The following ZBTB20 variants were observed in gnomAD, a reference collection of about 807,000 sequenced individuals.
ZBTB20 encodes the protein zinc finger and BTB domain-containing protein 20.
A neutral mutation model predicts 56.9 loss-of-function variants in ZBTB20; 9 were observed. The observed-to-expected ratio is 0.16, with a 90% CI of 0.10 to 0.28. ZBTB20 has a LOEUF of 0.28. ZBTB20 is among the 10% of genes least tolerant of loss of function. The probability of loss-of-function intolerance (pLI) is 1.00; values close to 1 mark genes in which losing one functional copy is unlikely to be tolerated. For missense variants in ZBTB20, 655 were observed against 1,003.0 expected (o/e 0.65, Z 4.69); for synonymous variants, 417 against 420.7 (o/e 0.99, Z 0.11).
intron 2 of ZBTB20, among the ~76,000 whole-genome samples, chr3:115,035,544 A>AACACACACACACACACAC (rs111286494): frequency 3.9e-4 from 57 of 147,956 alleles, no homozygotes; most frequent in African/African-American, 9.4e-4. Context: ...GCTACTATCA[A>AACACACACACACACACAC]ACACACACAC....
At chr3:114,571,758 C>T (rs982720501) in intron 6 of ZBTB20, among the ~76,000 whole-genome samples, 4 of 152,178 alleles carry the variant, frequency 2.6e-5, no homozygotes, top group Non-Finnish European at 5.9e-5. Flanking sequence ...ATTTCAGGGT[C>T]TCACTCCAGA....
In ZBTB20 at chr3:114,868,996, C is replaced by T. The variant is rs181165982; in HGVS notation, c.-417+31308G>A. Among the ~76,000 whole-genome samples, 19 of 152,094 alleles carry T rather than the reference C, an allele frequency of 1.2e-4. No homozygotes were observed. The East Asian group carries it at 3.3e-3, about 26-fold the overall frequency. Reference sequence around the variant, plus strand: ...TCAAATATCTTTGCTCCATAAAGACCTTATGAATCTTCCTTCAATGTGAAG... The same window carrying T: ...TCAAATATCTTTGCTCCATAAAGACTTTATGAATCTTCCTTCAATGTGAAG... On this transcript the variant is annotated intron_variant, in intron 4 of 11. Coordinates refer to ENST00000675478, the MANE Select transcript of ZBTB20 (RefSeq NM_001348800.3).
intron 4 of ZBTB20, among the ~76,000 whole-genome samples, chr3:114,888,249 T>C (rs2076677060): frequency 6.6e-6 from 1 of 151,582 alleles, no homozygotes; most frequent in African/African-American, 2.4e-5. Flanking sequence ...GAGACCCCCA[T>C]TTCTACAAAA....
intron 6 of ZBTB20, among the ~76,000 whole-genome samples, chr3:114,571,824 A>G (rs1359707121): frequency 6.6e-6 from 1 of 152,184 alleles, no homozygotes; most frequent in African/African-American, 2.4e-5. Flanking sequence ...CATTTTAAAC[A>G]GGCTCCCCAA....
rs1419575313 is a variant in ZBTB20, at chr3:114,913,706, T to C, written c.-455-13364A>G. Among the ~76,000 whole-genome samples, 9 of 151,942 alleles carry C rather than the reference T, an allele frequency of 5.9e-5. No homozygotes were observed. The South Asian group carries it at 1.0e-3, about 18-fold the overall frequency. On this transcript the variant is annotated intron_variant, in intron 3 of 11. Transcript: ENST00000675478. The stretch of plus-strand genomic sequence containing the variant: ...AGTGTTTTTTTTTTCAGTAGTGTCA[T>C]AGTTTGAGGTATTAGACTTAAGTCT...
chr3:114,435,976 AT>A (rs2090485816), intron 7 of ZBTB20, among the ~76,000 whole-genome samples: 1 of 152,078 alleles, frequency 6.6e-6, no homozygotes, highest in Non-Finnish European at 1.5e-5. Context: ...CTACAATTTG[AT>A]TTGGTTAAAA....
At chr3:114,967,841 C>T (rs1381862834) in intron 3 of ZBTB20, among the ~76,000 whole-genome samples, 4 of 151,796 alleles carry the variant, frequency 2.6e-5, no homozygotes, top group African/African-American at 7.3e-5. Context: ...CCTATAATCC[C>T]AGCTACTCAG....
chr3:114,362,174 G>C (rs978603155), intron 10 of ZBTB20, among the ~76,000 whole-genome samples: 3 of 151,992 alleles, frequency 2.0e-5, no homozygotes, highest in Admixed American at 6.6e-5. Flanking sequence ...GGAGTGTTGG[G>C]GAAGTTCACC....
At chr3:114,887,012 C>T (rs967696043) in intron 4 of ZBTB20, among the ~76,000 whole-genome samples, 1 of 152,044 alleles carries the variant, frequency 6.6e-6, no homozygotes, top group Non-Finnish European at 1.5e-5. Context: ...GCCTTCTTGC[C>T]GTGACAACAC....
chr3:114,330,650 A>G lies in ZBTB20; in HGVS notation c.*8355T>C, dbSNP rs1471393300. 6.6e-6 allele frequency: 1 copy of G among 152,220 alleles called. No homozygotes were observed. The highest frequency in any genetic ancestry group is 1.5e-5 in the Non-Finnish European group (1 of 68,028). 9.4% of individuals were successfully genotyped at this position (152,220 alleles called of 1,614,324 possible). A position where few individuals can be genotyped will look rare whatever the true frequency, so the allele number is the denominator to read the frequency against. On this transcript the variant is annotated 3_prime_UTR_variant, in exon 12 of 12. Coordinates refer to ENST00000675478, the MANE Select transcript of ZBTB20 (RefSeq NM_001348800.3). The stretch of plus-strand genomic sequence containing the variant: ...CATTTTAAAAAGTAATAACGACAAA[A>G]AAGTTGCAACTGTAAGTAGCCTTAC...
intron 2 of ZBTB20, among the ~76,000 whole-genome samples, chr3:115,065,154 T>C (rs1043272909): frequency 2.0e-5 from 3 of 152,170 alleles, no homozygotes; most frequent in Non-Finnish European, 4.4e-5. Flanking sequence ...TTTTTTGCTC[T>C]ATTTTCAGGA....
chr3:114,816,293 A>C (rs2072911941), intron 4 of ZBTB20, among the ~76,000 whole-genome samples: 1 of 152,194 alleles, frequency 6.6e-6, no homozygotes, highest in African/African-American at 2.4e-5. Flanking sequence ...GCTGGGTGCA[A>C]TTTATTTACA....
At chr3:114,464,877 T>A (rs563052925) in intron 7 of ZBTB20, among the ~76,000 whole-genome samples, 1 of 152,288 alleles carries the variant, frequency 6.6e-6, no homozygotes, top group African/African-American at 2.4e-5. Flanking sequence ...AGCACTACAA[T>A]AACAGGACTA....
intron 6 of ZBTB20, among the ~76,000 whole-genome samples, chr3:114,666,850 T>C (rs901573620): frequency 3.9e-5 from 6 of 151,988 alleles, no homozygotes; most frequent in African/African-American, 1.4e-4. Context: ...TTTCTATGGG[T>C]TGAAATTCCA....
intron 5 of ZBTB20, among the ~76,000 whole-genome samples, chr3:114,728,195 TC>T (rs1560177116): frequency 2.6e-5 from 4 of 152,164 alleles, no homozygotes; most frequent in South Asian, 4.1e-4. Flanking sequence ...TAGTTAAGCA[TC>T]CCCATCCACT....
intron 1 of ZBTB20, among the ~76,000 whole-genome samples, chr3:115,141,181 T>TA (rs141298839): frequency 1.3e-5 from 2 of 152,268 alleles, no homozygotes; most frequent in East Asian, 3.9e-4. Flanking sequence ...GCCCTGTCAA[T>TA]AGAGACTACT....
intron 6 of ZBTB20, among the ~76,000 whole-genome samples, chr3:114,683,498 A>G (rs1179603530): frequency 6.6e-6 from 1 of 152,188 alleles, no homozygotes; most frequent in African/African-American, 2.4e-5. Flanking sequence ...GCTTCAGTAC[A>G]GGCAGTAACT....
In ZBTB20 at chr3:114,454,223, C is replaced by T. The variant is rs2091855689; in HGVS notation, c.-255+46129G>A. ...GAGAGAGAGAGAGAAATTGGAGCTT[C>T]CTTTAATAGACATAGGAAGCAGCGT... On this transcript the variant is annotated intron_variant, in intron 7 of 11. Transcript: ENST00000675478. Among the ~76,000 whole-genome samples the T allele has an allele frequency of 2.5e-5, 3 of 119,980 alleles. No homozygotes were observed. The South Asian group carries it at 7.9e-4, about 32-fold the overall frequency. 78.7% of individuals were successfully genotyped at this position (119,980 alleles called of 152,430 possible).
At chr3:114,374,866 A>G (rs1576447379) in intron 10 of ZBTB20, among the ~76,000 whole-genome samples, 2 of 152,320 alleles carry the variant, frequency 1.3e-5, no homozygotes, top group East Asian at 3.9e-4. Context: ...CAATCTTTTC[A>G]TGTGAACAGG....
Sources: allele counts gnomAD v4.1 joint callset (sites outside exome capture counted in the v4.1 genomes callset), GRCh38; gene constraint gnomAD v4.1.1; transcripts MANE v1.5; gene names NCBI Gene and HGNC (gene_info 2026-07-23, HGNC 2026-07-21).